Variants in KHDRBS2 observed in about 807,000 individuals in gnomAD.
KHDRBS2 encodes the protein KH domain-containing, RNA-binding, signal transduction-associated protein 2.
Under a neutral mutation model 44.3 loss-of-function variants are expected in KHDRBS2, and 26 were observed. The ratio of observed to expected loss-of-function variants is 0.59; its 90% CI spans 0.43 to 0.81. The LOEUF (loss-of-function observed/expected upper bound fraction) is 0.81, where lower values mean the gene tolerates loss of function less well. KHDRBS2 is among the 40% of genes least tolerant of loss of function. KHDRBS2 has a pLI of 0.00. For synonymous variants in KHDRBS2, 194 were observed against 151.1 expected, an observed-to-expected ratio of 1.28 and a Z score of -2.08; for missense variants, 476 against 433.1, an observed-to-expected ratio of 1.10 and a Z score of -0.88.
At chr6:62,176,941 G>T (rs1377446213) in intron 2 of KHDRBS2, among the ~76,000 whole-genome samples, 4 of 151,238 alleles carry the variant, frequency 2.6e-5, no homozygotes, top group African/African-American at 7.3e-5. Flanking sequence ...TTGAATAAAT[G>T]ATTAAAATAT....
the KHDRBS2 span, among the ~76,000 whole-genome samples, chr6:61,547,476 C>G: frequency 6.6e-6 from 1 of 151,972 alleles, no homozygotes; most frequent in African/African-American, 2.4e-5. Flanking sequence ...ATTTGATGGA[C>G]CCAGCTAACA....
chr6:62,132,003 T>C (rs1355256098), intron 2 of KHDRBS2, among the ~76,000 whole-genome samples: 1 of 152,152 alleles, frequency 6.6e-6, no homozygotes, highest in African/African-American at 2.4e-5. Flanking sequence ...AATCACTCAG[T>C]ATATTTTGAT....
intron 6 of KHDRBS2, among the ~76,000 whole-genome samples, chr6:61,802,015 T>C (rs1237580839): frequency 5.3e-5 from 8 of 152,112 alleles, no homozygotes; most frequent in Non-Finnish European, 1.2e-4. Context: ...CAATGCATTA[T>C]TGGTGGCTTT....
rs182896198 is a variant in KHDRBS2, at chr6:62,147,807, G to C, written c.219+29378C>G. ...TTTCTCTTTACACGAAAGTTTCTTT[G>C]CTCTTCTCTATACCTGGCACGGTTG... On this transcript the variant is annotated intron_variant, in intron 2 of 8. Transcript: ENST00000281156. Among the ~76,000 whole-genome samples the C allele has an allele frequency of 1.6e-4, 25 of 152,042 alleles. No individual in the cohort carries two copies. The East Asian group carries it at 4.6e-3, about 28-fold the overall frequency.
At chr6:62,165,225 T>G (rs1818422195) in intron 2 of KHDRBS2, among the ~76,000 whole-genome samples, 1 of 151,328 alleles carries the variant, frequency 6.6e-6, no homozygotes, top group African/African-American at 2.4e-5. Flanking sequence ...AAATTGCCCA[T>G]AACTCATTCT....
At chr6:61,966,373 T>C (rs1233882320) in intron 4 of KHDRBS2, among the ~76,000 whole-genome samples, 2 of 152,064 alleles carry the variant, frequency 1.3e-5, no homozygotes, top group African/African-American at 2.4e-5. Context: ...CAATTTTAGT[T>C]ATGCATTTTA....
downstream of KHDRBS2, among the ~76,000 whole-genome samples, chr6:61,676,307 T>C (rs922614693): frequency 6.6e-6 from 1 of 151,872 alleles, no homozygotes; most frequent in Non-Finnish European, 1.5e-5. Context: ...TATATATAAT[T>C]ATATTTTTCT....
chr6:62,200,960 T>A (rs1826848678), intron 1 of KHDRBS2, among the ~76,000 whole-genome samples: 2 of 152,100 alleles, frequency 1.3e-5, no homozygotes, highest in African/African-American at 4.8e-5. Context: ...CTGGAAACCA[T>A]CATTCTCAGC....
intron 6 of KHDRBS2, among the ~76,000 whole-genome samples, chr6:61,805,242 C>T (rs1046778736): frequency 3.9e-5 from 6 of 152,158 alleles, no homozygotes. Flanking sequence ...AAAATGCCAC[C>T]AATTTCTGCT....
At chr6:61,726,298 A>G (rs1006995711) in intron 7 of KHDRBS2, among the ~76,000 whole-genome samples, 2 of 152,172 alleles carry the variant, frequency 1.3e-5, no homozygotes, top group African/African-American at 4.8e-5. Context: ...CAGATATAAC[A>G]AACTCACAGC....
intron 7 of KHDRBS2, among the ~76,000 whole-genome samples, chr6:61,720,174 T>C (rs979176865): frequency 1.3e-5 from 2 of 152,156 alleles, no homozygotes; most frequent in Non-Finnish European, 2.9e-5. Flanking sequence ...ATCCAGTCTA[T>C]CATTGTTGGA....
intron 1 of KHDRBS2, among the ~76,000 whole-genome samples, chr6:62,283,568 C>A (rs781367738): frequency 6.6e-6 from 1 of 152,108 alleles, no homozygotes; most frequent in African/African-American, 2.4e-5. Context: ...CACCTTCTTT[C>A]CAAATGAATA....
intron 1 of KHDRBS2, among the ~76,000 whole-genome samples, chr6:62,256,200 T>C (rs564920092): frequency 6.6e-6 from 1 of 152,084 alleles, no homozygotes; most frequent in South Asian, 2.1e-4. Flanking sequence ...TTTTAGATTT[T>C]GAGTCCCAGC....
chr6:62,044,122 G>C (rs1372306013), intron 3 of KHDRBS2, among the ~76,000 whole-genome samples: 1 of 151,856 alleles, frequency 6.6e-6, no homozygotes, highest in Non-Finnish European at 1.5e-5. Context: ...TTATCATGAA[G>C]TAAAGATCGA....
chr6:61,801,478 C>T (rs1191551712), intron 6 of KHDRBS2, among the ~76,000 whole-genome samples: 2 of 152,134 alleles, frequency 1.3e-5, no homozygotes, highest in Non-Finnish European at 2.9e-5. Context: ...TTTGTATCTG[C>T]TTCCATATAT....
the KHDRBS2 span, among the ~76,000 whole-genome samples, chr6:61,585,391 G>A: frequency 6.6e-6 from 1 of 151,974 alleles, no homozygotes; most frequent in Non-Finnish European, 1.5e-5. Context: ...CAGTGGTACT[G>A]ACTACTGTCT....
chr6:62,017,969 C>T (rs566394240), intron 3 of KHDRBS2, among the ~76,000 whole-genome samples: 33 of 151,914 alleles, frequency 2.2e-4, no homozygotes, highest in African/African-American at 6.7e-4. Flanking sequence ...ACCGAAGACA[C>T]ATGATTCCAT....
At chr6:61,835,803 T>G (rs1343713847) in intron 6 of KHDRBS2, among the ~76,000 whole-genome samples, 1 of 150,716 alleles carries the variant, frequency 6.6e-6, no homozygotes, top group Non-Finnish European at 1.5e-5. Context: ...ACAGAAGCAG[T>G]TAAGGTACTA....
At chr6:61,799,588 A>G (rs1785935360) in intron 6 of KHDRBS2, among the ~76,000 whole-genome samples, 1 of 151,958 alleles carries the variant, frequency 6.6e-6, no homozygotes, top group Non-Finnish European at 1.5e-5. Context: ...TTCCAACTAG[A>G]GTTCCGCAAA....
Sources: gnomAD v4.1 joint callset for allele counts (sites outside exome capture counted in the v4.1 genomes callset) on GRCh38, gnomAD v4.1.1 for gene constraint, MANE v1.5 for transcripts, NCBI Gene and HGNC (gene_info 2026-07-23, HGNC 2026-07-21) for gene names.